The following CLIC5 variants were observed in gnomAD, a reference collection of about 807,000 sequenced individuals.
CLIC5 encodes chloride intracellular channel protein 5.
A neutral mutation model predicts 24.7 loss-of-function variants in CLIC5; 20 were observed. The observed-to-expected ratio is 0.81, with a 90% CI of 0.57 to 1.18. The LOEUF (loss-of-function observed/expected upper bound fraction) is 1.18, where lower values mean the gene tolerates loss of function less well. Among genes scored for constraint, CLIC5 ranks in the 50% most tolerant of loss-of-function variants. The pLI, the probability that CLIC5 is intolerant of heterozygous loss-of-function variation, is 0.00. For missense variants in CLIC5, 341 were observed against 326.1 expected, an observed-to-expected ratio of 1.05 and a Z score of -0.35; for synonymous variants, 159 against 135.6, an observed-to-expected ratio of 1.17 and a Z score of -1.20.
intron 4 of CLIC5, among the ~76,000 whole-genome samples, chr6:45,938,088 G>T (rs1186498630): frequency 6.6e-6 from 1 of 152,214 alleles, no homozygotes; most frequent in Non-Finnish European, 1.5e-5. Context: ...AAGAAAGAAA[G>T]TTGGAGAACT....
intron 1 of CLIC5, among the ~76,000 whole-genome samples, chr6:45,978,683 G>A (rs954392175): frequency 2.0e-5 from 3 of 152,160 alleles, no homozygotes; most frequent in East Asian, 1.9e-4. Context: ...GAGGCTGGGC[G>A]CAGTGGCTCA....
chr6:46,116,537 C>T, the CLIC5 span, among the ~76,000 whole-genome samples: 2 of 152,160 alleles, frequency 1.3e-5, no homozygotes, highest in South Asian at 4.1e-4. Context: ...GAATGAGAAG[C>T]TTTAAAGCAA....
chr6:46,094,971 C>T, the CLIC5 span, among the ~76,000 whole-genome samples: 1 of 152,198 alleles, frequency 6.6e-6, no homozygotes, highest in Admixed American at 6.5e-5. Flanking sequence ...GTAGTAGAGC[C>T]TCAACTTTTG....
intron 2 of CLIC5, among the ~76,000 whole-genome samples, chr6:45,954,645 CAG>C (rs1764583698): frequency 6.6e-6 from 1 of 152,004 alleles, no homozygotes. Flanking sequence ...ACTCTAAAAA[CAG>C]AACAGTAGTT....
At chr6:46,080,345 T>C in exon 1 of CLIC5, 1 of 981,708 alleles carries the variant, frequency 1.0e-6, no homozygotes, top group Non-Finnish European at 1.5e-6. Context: ...ATCAACGAGC[T>C]CTTAAAAGGC....
At chr6:45,920,307 C>A in intron 4 of CLIC5, 2 of 983,528 alleles carry the variant, frequency 2.0e-6, no homozygotes, top group Non-Finnish European at 1.2e-6. Context: ...TGCTGTCACA[C>A]GGGCTGTGTG....
chr6:46,019,900 T>A (rs1190613864), upstream of CLIC5, among the ~76,000 whole-genome samples: 2 of 151,790 alleles, frequency 1.3e-5, no homozygotes, highest in African/African-American at 2.4e-5. Flanking sequence ...ATATACTTAA[T>A]AACAGAGCTT....
rs1443264048 is a variant in CLIC5, at chr6:45,881,142, TG to T, written c.669del (p.Ser223ArgfsTer34). On this transcript the variant is annotated frameshift_variant, in exon 7 of 7. Coordinates refer to the CLIC5 transcript ENST00000644324. LOFTEE classifies it low-confidence loss of function (END_TRUNC). ...CTAGCTTCTCCCCATTTCTTCTGCT[TG>T]CTTCTTCCTCTACTCCATGCCCCCT... 1 of 398,314 alleles carries T rather than the reference TG, an allele frequency of 2.5e-6. No homozygotes were observed. Among genetic ancestry groups the T allele is most frequent in the Non-Finnish European group, 4.4e-6 (1 of 226,042 alleles). 24.7% of individuals were successfully genotyped at this position (398,314 alleles called of 1,614,324 possible). A position where few individuals can be genotyped will look rare whatever the true frequency, so the allele number is the denominator to read the frequency against.
chr6:46,060,853 C>T (rs960259846), intron 1 of CLIC5, among the ~76,000 whole-genome samples: 3 of 152,182 alleles, frequency 2.0e-5, no homozygotes. Context: ...AACCTGATTC[C>T]ACCAGAACTC....
In CLIC5 at chr6:45,882,462, G is replaced by A. The variant is rs548963746; in HGVS notation, c.624-1274C>T. On this transcript the variant is annotated intron_variant, in intron 6 of 6. Coordinates refer to the CLIC5 transcript ENST00000644324. ...GGCCCTTGGCAGAACTTCCTTAGCT[G>A]TTCTTCTTTAACCCTGTGACTCCAA... Among the ~76,000 whole-genome samples the A allele has an allele frequency of 2.6e-5, 4 of 152,334 alleles. No individual in the cohort carries two copies. In the South Asian group the frequency reaches 6.2e-4, roughly 24 times the overall value.
At chr6:45,939,299 C>T (rs1027937923) in intron 4 of CLIC5, among the ~76,000 whole-genome samples, 6 of 138,626 alleles carry the variant, frequency 4.3e-5, no homozygotes, top group African/African-American at 1.4e-4. Context: ...TTGCAACCTT[C>T]GCCTCCTGGG....
chr6:46,116,736 G>T, the CLIC5 span, among the ~76,000 whole-genome samples: 1 of 152,278 alleles, frequency 6.6e-6, no homozygotes, highest in Middle Eastern at 3.4e-3. Flanking sequence ...TGTTCATTCA[G>T]TAGGTGCCTG....
chr6:46,071,785 G>T (rs1397606355), intron 1 of CLIC5, among the ~76,000 whole-genome samples: 2 of 152,080 alleles, frequency 1.3e-5, no homozygotes, highest in African/African-American at 4.8e-5. Context: ...ACACATGGAT[G>T]CATAAGTTCT....
intron 1 of CLIC5, among the ~76,000 whole-genome samples, chr6:46,042,076 G>A (rs962250517): frequency 1.3e-5 from 2 of 152,100 alleles, no homozygotes; most frequent in African/African-American, 2.4e-5. Context: ...TTCTAGGAGA[G>A]AATAATGTTC....
intron 1 of CLIC5, among the ~76,000 whole-genome samples, chr6:46,027,089 A>T (rs1767351793): frequency 6.6e-6 from 1 of 152,212 alleles, no homozygotes; most frequent in Admixed American, 6.5e-5. Flanking sequence ...AACAGTTGTG[A>T]ACATCCTGTG....
the CLIC5 span, among the ~76,000 whole-genome samples, chr6:46,090,983 C>T: frequency 6.6e-6 from 1 of 152,152 alleles, no homozygotes; most frequent in Admixed American, 6.5e-5. Context: ...TGTTTAGGTA[C>T]CTCACCTCCA....
At chr6:46,055,434 T>C (rs780039201) in intron 1 of CLIC5, among the ~76,000 whole-genome samples, 3 of 151,852 alleles carry the variant, frequency 2.0e-5, no homozygotes, top group Non-Finnish European at 4.4e-5. Context: ...GATGGGGTTT[T>C]GCCATGTTGG....
At position 45,995,705 on chromosome 6, in the gene CLIC5, TA is replaced by T. The variant is rs763683763; in HGVS notation, c.63+19774del. ...ATAAGATTCAAAAGAAAATTCCATTTATTTTTTTTCTAAAGAGATAATAATC... is the reference window on the plus strand; with the variant it reads ...ATAAGATTCAAAAGAAAATTCCATTTTTTTTTTTCTAAAGAGATAATAATC... On this transcript the variant is annotated intron_variant, in intron 1 of 5. Transcript: ENST00000339561. 1.5e-4 allele frequency among the ~76,000 whole-genome samples: 23 copies of T among 152,204 alleles called. 1 individual carries two copies. Among genetic ancestry groups the T allele is most frequent in the Non-Finnish European group, 2.8e-4 (19 of 68,048 alleles).
chr6:46,019,082 T>TA (rs59568209), upstream of CLIC5, among the ~76,000 whole-genome samples: 26,529 of 134,438 alleles, frequency 0.2, 2,623 homozygotes, highest in East Asian at 0.33. Context: ...AAAAGTATAG[T>TA]AAAAAAAAAA....
Sources: gnomAD v4.1 joint callset for allele counts (sites outside exome capture counted in the v4.1 genomes callset) on GRCh38, gnomAD v4.1.1 for gene constraint, MANE v1.5 for transcripts, NCBI Gene and HGNC (gene_info 2026-07-23, HGNC 2026-07-21) for gene names.